The following SNX29 variants were observed in gnomAD, a reference collection of about 807,000 sequenced individuals.
The protein encoded by SNX29 is sorting nexin 29.
In SNX29, 78 loss-of-function variants were observed where a neutral mutation model predicts 102.1. That is an observed-to-expected ratio of 0.76 (90% confidence interval 0.64 to 0.92). SNX29 has a LOEUF of 0.92. SNX29 is among the 40% of genes least tolerant of loss of function. The pLI is 0.00. For synonymous variants in SNX29, 580 were observed against 414.5 expected (o/e 1.40, Z -4.85); for missense variants, 1,280 against 1,061.7 (o/e 1.21, Z -2.86).
At chr16:12,555,104 G>A (rs1019660224) in intron 20 of SNX29, among the ~76,000 whole-genome samples, 2 of 141,454 alleles carry the variant, frequency 1.4e-5, no homozygotes, top group Admixed American at 1.4e-4. Flanking sequence ...GCCAATCAGG[G>A]ACAATCTCAG....
At chr16:12,138,100 A>C (rs957285579) in intron 13 of SNX29, among the ~76,000 whole-genome samples, 1 of 152,062 alleles carries the variant, frequency 6.6e-6, no homozygotes, top group Admixed American at 6.6e-5. Context: ...AGAATTTGCC[A>C]TCCATATGCT....
intron 15 of SNX29, among the ~76,000 whole-genome samples, chr16:12,347,733 C>T (rs56836971): frequency 0.043 from 6,496 of 152,014 alleles, 283 homozygotes; most frequent in African/African-American, 0.1. Flanking sequence ...CTTTGTACCT[C>T]GTGACAAACC....
At chr16:12,562,843 G>GC (rs2078805715) in intron 20 of SNX29, among the ~76,000 whole-genome samples, 1 of 152,184 alleles carries the variant, frequency 6.6e-6, no homozygotes, top group African/African-American at 2.4e-5. Flanking sequence ...TCCCCTATAG[G>GC]CAACCCGACA....
At chr16:12,393,392 TCATG>T (rs374651159) in intron 16 of SNX29, among the ~76,000 whole-genome samples, 37 of 141,898 alleles carry the variant, frequency 2.6e-4, no homozygotes, top group Non-Finnish European at 4.2e-4. Context: ...ATTCATTCAT[TCATG>T]CATGCATGCA....
intron 4 of SNX29, among the ~76,000 whole-genome samples, chr16:12,034,947 G>A (rs2057433753): frequency 1.3e-5 from 2 of 152,022 alleles, no homozygotes; most frequent in Non-Finnish European, 2.9e-5. Context: ...GGAGGCGGAG[G>A]ATTCAGTGAG....
chr16:12,362,910 T>G (rs2082349038), intron 16 of SNX29, among the ~76,000 whole-genome samples: 2 of 152,178 alleles, frequency 1.3e-5, no homozygotes, highest in Non-Finnish European at 2.9e-5. Flanking sequence ...TGGTAGGTGT[T>G]CAGTAAATGT....
At chr16:12,460,180 G>A (rs1050817574) in intron 18 of SNX29, among the ~76,000 whole-genome samples, 5 of 152,300 alleles carry the variant, frequency 3.3e-5, no homozygotes, top group South Asian at 2.1e-4. Context: ...CTGTTTTGCC[G>A]AATGAGACTT....
intron 1 of SNX29, among the ~76,000 whole-genome samples, chr16:11,995,312 C>T (rs971312710): frequency 1.3e-5 from 2 of 152,100 alleles, no homozygotes; most frequent in Admixed American, 6.5e-5. Flanking sequence ...GTGATCCGTC[C>T]GCTTTGGCCC....
chr16:12,030,680 C>A (rs779901366), intron 4 of SNX29, among the ~76,000 whole-genome samples: 1 of 152,172 alleles, frequency 6.6e-6, no homozygotes, highest in Non-Finnish European at 1.5e-5. Flanking sequence ...CATCCCACTC[C>A]CCCACTTATT....
At position 12,541,806 on chromosome 16, in the gene SNX29, C is replaced by T. The variant is rs185418069; in HGVS notation, c.2318+16965C>T. 5.3e-5 allele frequency among the ~76,000 whole-genome samples: 8 copies of T among 152,208 alleles called. No homozygotes were observed. In the East Asian group the frequency reaches 5.8e-4, roughly 11 times the overall value. ...CCCTGGAATGGAAAGGTTCAGAGGGCAGGAACCAAGCTCGCCTCTTCCCCT... is the reference window on the plus strand; with the variant it reads ...CCCTGGAATGGAAAGGTTCAGAGGGTAGGAACCAAGCTCGCCTCTTCCCCT... On this transcript the variant is annotated intron_variant, in intron 20 of 20. Transcript: ENST00000566228.
At chr16:12,169,407 C>T (rs1202662692) in intron 13 of SNX29, among the ~76,000 whole-genome samples, 2 of 152,084 alleles carry the variant, frequency 1.3e-5, no homozygotes, top group African/African-American at 4.8e-5. Context: ...AGAAATGACC[C>T]CAGGAGGCCA....
intron 11 of SNX29, among the ~76,000 whole-genome samples, chr16:12,088,343 C>G (rs2151387140): frequency 6.6e-6 from 1 of 152,168 alleles, no homozygotes; most frequent in Non-Finnish European, 1.5e-5. Context: ...CCAGGTGTCC[C>G]TTGTAAGCTC....
chr16:12,553,655 A>G (rs572560733), intron 20 of SNX29, among the ~76,000 whole-genome samples: 1 of 141,072 alleles, frequency 7.1e-6, no homozygotes, highest in Admixed American at 7.8e-5. Flanking sequence ...CAATGACGTG[A>G]TCTTGGCTCA....
At position 12,096,320 on chromosome 16, in the gene SNX29, A is replaced by T. The variant is rs1649381625; in HGVS notation, c.1402+17405A>T. ...TCACTTCTTTATCATCTGTTTATTC[A>T]TTCACCAAACATTTACCAAACATCT... is the stretch of plus-strand genomic sequence containing the variant. On this transcript the variant is annotated intron_variant, in intron 11 of 20. Transcript: ENST00000566228. The surrounding 1 kb of genome is among the most constrained non-coding windows in gnomAD (Gnocchi z 4.2). Among the ~76,000 whole-genome samples the T allele has an allele frequency of 6.6e-6, 1 of 152,188 alleles. No individual in the cohort carries two copies. Among genetic ancestry groups the T allele is most frequent in the African/African-American group, 2.4e-5 (1 of 41,430 alleles).
At chr16:12,013,543 C>CGAGAGAGAGAGAGAGAGAGA (rs1433909955) in intron 3 of SNX29, among the ~76,000 whole-genome samples, 1 of 61,876 alleles carries the variant, frequency 1.6e-5, no homozygotes, top group African/African-American at 5.3e-5. Context: ...ATATATATAT[C>CGAGAGAGAGAGAGAGAGAGA]GAGAGAGGAG....
chr16:12,547,570 T>G (rs191327659), intron 20 of SNX29, among the ~76,000 whole-genome samples: 1 of 151,946 alleles, frequency 6.6e-6, no homozygotes, highest in African/African-American at 2.4e-5. Flanking sequence ...AACATCCCCC[T>G]CCCTCACGAG....
chr16:12,192,466 T>C (rs1479071152), intron 13 of SNX29, among the ~76,000 whole-genome samples: 1 of 152,180 alleles, frequency 6.6e-6, no homozygotes, highest in Admixed American at 6.5e-5. Flanking sequence ...TTCCATTTGC[T>C]TTTTCCACAT....
rs540233420 is a variant in SNX29 at position 12,507,199 on chromosome 16, G to A, written c.2179-17503G>A. ...GGTAAGTGGTGCAGCCAGGATTGAA[G>A]CACAGAGGGTCTGACTCCTGGCCTG... On this transcript the variant is annotated intron_variant, in intron 19 of 20. Coordinates refer to ENST00000566228, the MANE Select transcript of SNX29 (RefSeq NM_032167.5). 6.8e-4 allele frequency among the ~76,000 whole-genome samples: 104 copies of A among 152,350 alleles called. 1 individual carries two copies. The highest frequency in any genetic ancestry group is 2.4e-3 in the African/African-American group (100 of 41,586).
intron 18 of SNX29, among the ~76,000 whole-genome samples, chr16:12,468,532 G>A (rs2087182762): frequency 6.6e-6 from 1 of 152,028 alleles, no homozygotes; most frequent in Non-Finnish European, 1.5e-5. Context: ...TCCCAGGCGT[G>A]GTGCCCCTGG....
Sources: gnomAD v4.1 joint callset for allele counts (sites outside exome capture counted in the v4.1 genomes callset) on GRCh38, gnomAD v4.1.1 for gene constraint, Gnocchi (gnomAD v3.1) non-coding constraint, MANE v1.5 for transcripts, NCBI Gene and HGNC (gene_info 2026-07-23, HGNC 2026-07-21) for gene names.